ITGA8: variants seen among roughly 807,000 people sequenced by gnomAD.
ITGA8 encodes the protein integrin alpha-8.
A neutral mutation model predicts 142.3 loss-of-function variants in ITGA8; 91 were observed. The observed-to-expected ratio is 0.64, with a 90% confidence interval of 0.54 to 0.76. ITGA8 has a LOEUF of 0.76. Among genes scored for constraint, ITGA8 ranks in the 30% least tolerant of loss-of-function variants. The probability of loss-of-function intolerance (pLI) is 0.00; values close to 1 mark genes in which losing one functional copy is unlikely to be tolerated. For missense variants in ITGA8, 1,406 were observed against 1,327.7 expected, an observed-to-expected ratio of 1.06 and a Z score of -0.92; for synonymous variants, 505 against 485.2, an observed-to-expected ratio of 1.04 and a Z score of -0.54.
At chr10:15,566,240 C>T (rs747147028) in intron 25 of ITGA8, among the ~76,000 whole-genome samples, 2 of 152,218 alleles carry the variant, frequency 1.3e-5, no homozygotes, top group South Asian at 2.1e-4. Context: ...ACATTCTCGG[C>T]GGCAACCTCC....
At chr10:15,635,918 T>TACAC (rs4030579) in intron 13 of ITGA8, among the ~76,000 whole-genome samples, 25,338 of 142,950 alleles carry the variant, frequency 0.18, 2,160 homozygotes, top group East Asian at 0.27. Context: ...TTGCTTATAC[T>TACAC]ACACACACAC....
chr10:15,648,263 C>G (rs569773155), intron 11 of ITGA8, among the ~76,000 whole-genome samples: 1 of 152,140 alleles, frequency 6.6e-6, no homozygotes, highest in African/African-American at 2.4e-5. Context: ...TTGGCAAATG[C>G]AATAATCTCA....
chr10:15,581,384 T>G (rs938998566), intron 23 of ITGA8, among the ~76,000 whole-genome samples: 1 of 152,180 alleles, frequency 6.6e-6, no homozygotes, highest in African/African-American at 2.4e-5. Context: ...GGAAACCCTG[T>G]GTTTGGTCCT....
At chr10:15,666,508 A>T (rs1192421684) in intron 8 of ITGA8, among the ~76,000 whole-genome samples, 1 of 152,086 alleles carries the variant, frequency 6.6e-6, no homozygotes, top group Non-Finnish European at 1.5e-5. Context: ...AATACTCTTT[A>T]TTTCCTTCTC....
At chr10:15,588,147 A>G (rs1588660911) in intron 22 of ITGA8, among the ~76,000 whole-genome samples, 2 of 152,306 alleles carry the variant, frequency 1.3e-5, no homozygotes, top group South Asian at 4.1e-4. Flanking sequence ...GTAGGTTGTG[A>G]CTAGCTTTTG....
chr10:15,662,326 CTTTTTTTT>C (rs200922550), intron 8 of ITGA8, among the ~76,000 whole-genome samples: 8 of 72,718 alleles, frequency 1.1e-4, no homozygotes, highest in Admixed American at 7.1e-4. Flanking sequence ...TCAGAAGGTC[CTTTTTTTT>C]TTTTTTTTTT....
chr10:15,706,766 T>G (rs1835266102), intron 2 of ITGA8, among the ~76,000 whole-genome samples: 1 of 152,038 alleles, frequency 6.6e-6, no homozygotes, highest in Non-Finnish European at 1.5e-5. Flanking sequence ...AAAACATAAT[T>G]CAAATTATGT....
At chr10:15,711,267 G>A (rs1471019227) in intron 2 of ITGA8, among the ~76,000 whole-genome samples, 1 of 152,150 alleles carries the variant, frequency 6.6e-6, no homozygotes, top group East Asian at 1.9e-4. Context: ...CCTACATGAT[G>A]ATCTGACCAA....
chr10:15,715,753 G>A (rs995962083), intron 2 of ITGA8, among the ~76,000 whole-genome samples: 4 of 152,338 alleles, frequency 2.6e-5, no homozygotes, highest in East Asian at 3.9e-4. Context: ...CTTTGTCCAC[G>A]AAGTGGATGT....
chr10:15,659,036 G>C lies in ITGA8; in HGVS notation c.911C>G (p.Thr304Arg). 6.2e-7 allele frequency: 1 copy of C among 1,605,738 alleles called. No individual in the cohort carries two copies. Among genetic ancestry groups the C allele is most frequent in the Non-Finnish European group, 8.5e-7 (1 of 1,174,678 alleles). Reference protein sequence around the residue: ...NFGYVSIINSTDMTFIQNFTG... With the variant: ...NFGYVSIINSRDMTFIQNFTG... ...GAAATTCTGAATAAACGTCATATCC[G>C]TAGAGTTAATGATGGAAACCTGAAA... is the stretch of plus-strand genomic sequence containing the variant. The change falls in exon 10 of 30, where the codon ACG (threonine) becomes AGG (arginine). Residue 304 changes from threonine to arginine, a missense_variant. Coordinates refer to ENST00000378076, the MANE Select transcript of ITGA8 (RefSeq NM_003638.3).
chr10:15,651,010 T>G (rs1291124554), intron 11 of ITGA8, among the ~76,000 whole-genome samples: 3 of 152,178 alleles, frequency 2.0e-5, no homozygotes, highest in Non-Finnish European at 4.4e-5. Flanking sequence ...CCTAAGCTGT[T>G]TCCTTTCAAT....
rs763303305 is a variant in ITGA8 at position 15,719,570 on chromosome 10, C to T, written c.202G>A (p.Ala68Thr). Reference protein sequence around the residue: ...GYAVDFHIPDARTASVLVGAP... With the variant: ...GYAVDFHIPDTRTASVLVGAP... Reference sequence around the variant, plus strand: ...CCGGGTCGGGCGACTTACGTGCGGGCGTCGGGTATGTGGAAGTCCACGGCG... The same window carrying T: ...CCGGGTCGGGCGACTTACGTGCGGGTGTCGGGTATGTGGAAGTCCACGGCG... Residue 68 changes from alanine (A) to threonine (T), a missense_variant, in exon 1 of 30, where the codon GCC becomes ACC. Coordinates refer to ENST00000378076, the MANE Select transcript of ITGA8 (RefSeq NM_003638.3). The T allele has an allele frequency of 7.0e-6, 11 of 1,563,438 alleles. No individual in the cohort carries two copies. Among genetic ancestry groups the T allele is most frequent in the South Asian group, 1.2e-5 (1 of 84,914 alleles).
At chr10:15,645,863 G>A (rs1223200555) in intron 12 of ITGA8, among the ~76,000 whole-genome samples, 1 of 152,096 alleles carries the variant, frequency 6.6e-6, no homozygotes, top group Non-Finnish European at 1.5e-5. Flanking sequence ...GGTACTTGGA[G>A]GGGTTTCATA....
intron 5 of ITGA8, among the ~76,000 whole-genome samples, chr10:15,678,517 G>A (rs955065804): frequency 3.9e-5 from 6 of 152,186 alleles, no homozygotes; most frequent in Middle Eastern, 3.4e-3. Context: ...TTAATAGGCC[G>A]CTATGTGCAT....
rs1834873065 is a variant in ITGA8, at chr10:15,688,401, G to A, written c.344-363C>T. On this transcript the variant is annotated intron_variant, in intron 2 of 29. Transcript: ENST00000378076. ...TGAGAAAATCACTTGAACCCAGGAG[G>A]TGGAGGTTGCAGTGAACTGAGATTG... 2.0e-5 allele frequency among the ~76,000 whole-genome samples: 3 copies of A among 152,178 alleles called. No homozygotes were observed. In the South Asian group the frequency reaches 6.2e-4, roughly 32 times the overall value.
intron 11 of ITGA8, among the ~76,000 whole-genome samples, chr10:15,647,636 G>C (rs1003002893): frequency 1.1e-4 from 16 of 149,934 alleles, no homozygotes; most frequent in African/African-American, 3.7e-4. Context: ...CTAATTTTTT[G>C]TATTTTTAGT....
intron 28 of ITGA8, among the ~76,000 whole-genome samples, chr10:15,528,480 T>G (rs2131539519): frequency 6.7e-6 from 1 of 150,014 alleles, no homozygotes; most frequent in South Asian, 2.1e-4. Flanking sequence ...ACTGATGTGG[T>G]AAATCACCTA....
rs545168412 is a variant in ITGA8, at chr10:15,541,863, A to C, written c.2880+6592T>G. Among the ~76,000 whole-genome samples the C allele has an allele frequency of 1.1e-4, 17 of 152,192 alleles. No homozygotes were observed. The South Asian group carries it at 3.5e-3, about 32-fold the overall frequency. On this transcript the variant is annotated intron_variant, in intron 27 of 29. Coordinates refer to ENST00000378076, the MANE Select transcript of ITGA8 (RefSeq NM_003638.3). Reference sequence around the variant, plus strand: ...ATATTTTATTCACTTAGCAAATATGAATCCAAAAGTTTACTTGCATGGTTC... The same window carrying C: ...ATATTTTATTCACTTAGCAAATATGCATCCAAAAGTTTACTTGCATGGTTC...
At chr10:15,687,223 C>G (rs1834847915) in intron 3 of ITGA8, among the ~76,000 whole-genome samples, 1 of 152,008 alleles carries the variant, frequency 6.6e-6, no homozygotes, top group African/African-American at 2.4e-5. Flanking sequence ...AATCATAATT[C>G]AAGTAGATTT....
Sources: allele counts gnomAD v4.1 joint callset (sites outside exome capture counted in the v4.1 genomes callset), GRCh38; gene constraint gnomAD v4.1.1; transcripts MANE v1.5; gene names NCBI Gene and HGNC (gene_info 2026-07-23, HGNC 2026-07-21).